The following ITGB6 variants were observed in gnomAD, a reference collection of about 807,000 sequenced individuals.
ITGB6 encodes integrin beta-6.
A neutral mutation model predicts 84.5 loss-of-function variants in ITGB6; 80 were observed. The observed-to-expected ratio is 0.95, with a 90% CI of 0.79 to 1.14. The LOEUF (loss-of-function observed/expected upper bound fraction) is 1.14, where lower values mean the gene tolerates loss of function less well. ITGB6 is among the 50% of genes most tolerant of loss of function. The pLI, the probability that ITGB6 is intolerant of heterozygous loss-of-function variation, is 0.00. For missense variants in ITGB6, 1,006 were observed against 968.0 expected (o/e 1.04, Z -0.52); for synonymous variants, 383 against 354.9 (o/e 1.08, Z -0.89).
rs1696648435 is a variant in ITGB6 at position 160,099,890 on chromosome 2, A to G, written c.*1846T>C. 6.6e-6 allele frequency: 1 copy of G among 152,148 alleles called. No individual in the cohort carries two copies. The highest frequency in any genetic ancestry group is 1.5e-5 in the Non-Finnish European group (1 of 68,018). 9.4% of individuals were successfully genotyped at this position (152,148 alleles called of 1,614,324 possible). On this transcript the variant is annotated 3_prime_UTR_variant, in exon 15 of 15. Coordinates refer to ENST00000283249, the MANE Select transcript of ITGB6 (RefSeq NM_000888.5). Reference sequence around the variant, plus strand: ...TAAAACACACACAAAGGTAACTTCTATTTTCTAAAATCCCATTCCAATAAT... The same window carrying G: ...TAAAACACACACAAAGGTAACTTCTGTTTTCTAAAATCCCATTCCAATAAT...
At chr2:160,131,969 C>G (rs1683486794) in intron 10 of ITGB6, among the ~76,000 whole-genome samples, 1 of 152,130 alleles carries the variant, frequency 6.6e-6, no homozygotes, top group Non-Finnish European at 1.5e-5. Context: ...CCTTAGATCT[C>G]TTTGATCCAA....
Position 160,142,059 on chromosome 2 carries a change from G to A in ITGB6, c.1030C>T (p.Leu344Phe), listed in dbSNP as rs148922939. 184 of 1,598,640 alleles carry A rather than the reference G, an allele frequency of 1.2e-4. 1 individual carries two copies. The highest frequency in any genetic ancestry group is 1.5e-4 in the Non-Finnish European group (174 of 1,170,050). ...QVHLYENYAK[L>F]IPGATVGLLQ... ...AGACCTACTGTAGCTCCAGGAATAA[G>A]TTTTGCGTAATTCTGTAAACAGAAA... The change falls in exon 8 of 15, where the codon CTT becomes TTT. Residue 344 changes from leucine to phenylalanine, a missense_variant. Physicochemically the swap from Leu to Phe is conservative, Grantham distance 22. Transcript: ENST00000283249.
intron 4 of ITGB6, among the ~76,000 whole-genome samples, chr2:160,183,552 C>T (rs909238455): frequency 2.6e-5 from 4 of 152,164 alleles, no homozygotes; most frequent in Non-Finnish European, 4.4e-5. Flanking sequence ...GAGACTTTCA[C>T]ACTCCACTGT....
At position 160,137,596 on chromosome 2, in the gene ITGB6, C is replaced by T. The variant is rs1396081506; in HGVS notation, c.1498G>A (p.Asp500Asn). Residue 500 changes from aspartate (D) to asparagine (N), a missense_variant, in exon 10 of 15, where the codon GAT becomes AAT. By Grantham distance (23) the Asp-to-Asn change is conservative. Coordinates refer to ENST00000283249, the MANE Select transcript of ITGB6 (RefSeq NM_000888.5). ...TGATCTGGGGCCTCCTTGCAGGAAT[C>T]TGTGCTCAGCATGTCCTCGCCACAC... ...CECGEDMLST[D>N]SCKEAPDHPS... The T allele has an allele frequency of 5.0e-6, 8 of 1,614,234 alleles. No homozygotes were observed. In the East Asian group the frequency reaches 1.8e-4, roughly 36 times the overall value.
Position 160,112,068 on chromosome 2 carries a change from C to CAA in ITGB6, c.2101+10_2101+11dup, listed in dbSNP as rs1216784773. ...ATCATTTGCCATCGGCAATGGAAGG[C>CAA]AAAACACCCACCTTTTTCATTGATG... On this transcript the variant is annotated intron_variant, in intron 13 of 14. Coordinates refer to ENST00000283249, the MANE Select transcript of ITGB6 (RefSeq NM_000888.5). The CAA allele has an allele frequency of 6.2e-7, 1 of 1,611,332 alleles. No individual in the cohort carries two copies. The highest frequency in any genetic ancestry group is 1.7e-5 in the Admixed American group (1 of 59,014).
chr2:160,111,119 C>CG (rs1682488653), intron 13 of ITGB6, among the ~76,000 whole-genome samples: 1 of 148 alleles, frequency 6.8e-3, no homozygotes, highest in African/African-American at 0.056. Context: ...AGGCATTTAG[C>CG]CAAGGCATGT....
At chr2:160,148,611 C>T (rs1345045033) in intron 7 of ITGB6, among the ~76,000 whole-genome samples, 1 of 152,170 alleles carries the variant, frequency 6.6e-6, no homozygotes, top group Non-Finnish European at 1.5e-5. Flanking sequence ...ACAAAGGGTG[C>T]AGCTGACAGA....
At chr2:160,133,629 T>C (rs538797993) in intron 10 of ITGB6, among the ~76,000 whole-genome samples, 5 of 146,588 alleles carry the variant, frequency 3.4e-5, no homozygotes, top group Admixed American at 6.7e-5. Flanking sequence ...ACCACACCTA[T>C]TCCAAAATTG....
rs561117715 is a variant in ITGB6, at chr2:160,131,724, G to A, written c.1661-5123C>T. 5.9e-5 allele frequency among the ~76,000 whole-genome samples: 9 copies of A among 152,206 alleles called. 1 individual carries two copies. Among genetic ancestry groups the A allele is most frequent in the African/African-American group, 2.2e-4 (9 of 41,542 alleles). On this transcript the variant is annotated intron_variant, in intron 10 of 14. Coordinates refer to ENST00000283249, the MANE Select transcript of ITGB6 (RefSeq NM_000888.5). ...GAAACAGTAATGGTTGAAGGAAATC[G>A]GCATTGGTGAAGTTTTCTGAGTCTA...
At position 160,122,073 on chromosome 2, in the gene ITGB6, G is replaced by A. The variant is rs190283503; in HGVS notation, c.1981+1718C>T. The stretch of plus-strand genomic sequence containing the variant: ...TATAAAAAGGCTCATTAGAAAAGTG[G>A]CTTTTAAACACAGTCTGAATTAAAA... On this transcript the variant is annotated intron_variant, in intron 12 of 14. Coordinates refer to ENST00000283249, the MANE Select transcript of ITGB6 (RefSeq NM_000888.5). Among the ~76,000 whole-genome samples, 14 of 152,044 alleles carry A rather than the reference G, an allele frequency of 9.2e-5. No homozygotes were observed. The East Asian group carries it at 2.7e-3, about 29-fold the overall frequency.
intron 10 of ITGB6, among the ~76,000 whole-genome samples, chr2:160,127,974 C>A (rs1356554464): frequency 6.6e-6 from 1 of 152,108 alleles, no homozygotes; most frequent in Non-Finnish European, 1.5e-5. Context: ...GTATATATCT[C>A]CTAATTTTAC....
intron 10 of ITGB6, among the ~76,000 whole-genome samples, chr2:160,129,729 T>C (rs1213449038): frequency 6.6e-6 from 1 of 152,196 alleles, no homozygotes; most frequent in Non-Finnish European, 1.5e-5. Flanking sequence ...GACTTTCTCT[T>C]GTAAACTTTG....
chr2:160,105,570 C>T (rs1482991353), intron 14 of ITGB6, among the ~76,000 whole-genome samples: 3 of 152,172 alleles, frequency 2.0e-5, no homozygotes, highest in Non-Finnish European at 4.4e-5. Flanking sequence ...TAGGCTTCAG[C>T]TTAACCATGC....
intron 7 of ITGB6, among the ~76,000 whole-genome samples, chr2:160,153,156 C>A (rs549382576): frequency 1.3e-5 from 2 of 152,272 alleles, no homozygotes; most frequent in African/African-American, 4.8e-5. Flanking sequence ...AAGAACAAAG[C>A]TGGAGAGATC....
chr2:160,162,220 A>G (rs1684844558), intron 7 of ITGB6, among the ~76,000 whole-genome samples: 2 of 152,212 alleles, frequency 1.3e-5, no homozygotes, highest in Admixed American at 1.3e-4. Flanking sequence ...TGTTATATGT[A>G]TCTTACCATA....
chr2:160,140,636 GT>G (rs1559142489), intron 8 of ITGB6, among the ~76,000 whole-genome samples: 1 of 152,086 alleles, frequency 6.6e-6, no homozygotes, highest in Admixed American at 6.6e-5. Flanking sequence ...TTTTTATAGC[GT>G]TTTGTTGATG....
At chr2:160,172,790 G>A (rs867553188) in intron 5 of ITGB6, 60 bp from the exon 6 acceptor site, 1 of 1,341,132 alleles carries the variant, frequency 7.5e-7, no homozygotes, top group Non-Finnish European at 1.1e-6. Context: ...TATTGAGTGT[G>A]GATCAATTAT....
intron 13 of ITGB6, among the ~76,000 whole-genome samples, chr2:160,109,882 C>T (rs1250119412): frequency 6.6e-6 from 1 of 152,152 alleles, no homozygotes; most frequent in Non-Finnish European, 1.5e-5. Flanking sequence ...GGGTGAAATA[C>T]ACACTGATTT....
intron 7 of ITGB6, among the ~76,000 whole-genome samples, chr2:160,149,672 A>C (rs1684335863): frequency 6.6e-6 from 1 of 152,190 alleles, no homozygotes; most frequent in Non-Finnish European, 1.5e-5. Flanking sequence ...TTAAATGAGG[A>C]TGTTCGAACC....
Sources: allele counts gnomAD v4.1 joint callset (sites outside exome capture counted in the v4.1 genomes callset), GRCh38; gene constraint gnomAD v4.1.1; transcripts MANE v1.5; gene names NCBI Gene and HGNC (gene_info 2026-07-23, HGNC 2026-07-21).